PIP5K1B: variants seen among roughly 807,000 people sequenced by gnomAD.
The protein encoded by PIP5K1B is phosphatidylinositol-4-phosphate 5-kinase type 1 beta, also known as phosphatidylinositol 4-phosphate 5-kinase type-1 beta.
Under a neutral mutation model 67.0 loss-of-function variants are expected in PIP5K1B, and 42 were observed. That is an observed-to-expected ratio of 0.63 (90% confidence interval 0.49 to 0.81). PIP5K1B has a LOEUF of 0.81. PIP5K1B is among the 30% of genes least tolerant of loss of function. The pLI is 0.00. For missense variants in PIP5K1B, 459 were observed against 646.3 expected (o/e 0.71, Z 3.14); for synonymous variants, 214 against 231.4 (o/e 0.92, Z 0.68).
chr9:68,913,662 A>C (rs989609321), intron 8 of PIP5K1B, among the ~76,000 whole-genome samples: 1 of 152,094 alleles, frequency 6.6e-6, no homozygotes, highest in African/African-American at 2.4e-5. Flanking sequence ...CCCAAACTCT[A>C]ACTGCAATGG....
At chr9:68,943,737 A>G (rs1827671591) in intron 14 of PIP5K1B, among the ~76,000 whole-genome samples, 1 of 152,194 alleles carries the variant, frequency 6.6e-6, no homozygotes, top group African/African-American at 2.4e-5. Context: ...CTCTTTATGA[A>G]TCATTTTTCT....
intron 6 of PIP5K1B, among the ~76,000 whole-genome samples, chr9:68,885,475 T>A (rs755675429): frequency 5.0e-4 from 76 of 152,346 alleles, no homozygotes; most frequent in Non-Finnish European, 8.1e-4. Context: ...CACAAGGAAG[T>A]GTGTATGGTG....
At chr9:68,898,981 G>A (rs1483260906) in intron 8 of PIP5K1B, among the ~76,000 whole-genome samples, 1 of 152,188 alleles carries the variant, frequency 6.6e-6, no homozygotes, top group Admixed American at 6.5e-5. Context: ...TTGGGCGAAA[G>A]CCAGTGATTC....
At chr9:69,004,681 T>C (rs1181293779) in intron 15 of PIP5K1B, among the ~76,000 whole-genome samples, 1 of 152,200 alleles carries the variant, frequency 6.6e-6, no homozygotes, top group Non-Finnish European at 1.5e-5. Context: ...CTTCTGCGTG[T>C]ACCACACTTT....
At chr9:68,907,022 G>A (rs1053944791) in intron 8 of PIP5K1B, among the ~76,000 whole-genome samples, 6 of 152,204 alleles carry the variant, frequency 3.9e-5, no homozygotes, top group Admixed American at 1.3e-4. Context: ...TGTCCACTCA[G>A]ATGTGCGGGG....
chr9:68,990,750 A>G (rs13288473), intron 14 of PIP5K1B, among the ~76,000 whole-genome samples: 70,131 of 151,072 alleles, frequency 0.46, 16,921 homozygotes, highest in African/African-American at 0.55. Flanking sequence ...TGCAACCTCC[A>G]CCTCCTGAGT....
chr9:68,723,389 AT>A (rs34743138), intron 1 of PIP5K1B, among the ~76,000 whole-genome samples: 2 of 149,874 alleles, frequency 1.3e-5, no homozygotes, highest in African/African-American at 2.5e-5. Context: ...TGGTAGTCCT[AT>A]TTTTTTTTTC....
chr9:68,782,547 T>C (rs947023064), intron 2 of PIP5K1B: 1 of 167,094 alleles, frequency 6.0e-6, no homozygotes, highest in Non-Finnish European at 1.5e-5. Flanking sequence ...CTGTTTAAAG[T>C]TATCGCTTAC....
intron 11 of PIP5K1B, among the ~76,000 whole-genome samples, chr9:68,920,265 A>G (rs1456450971): frequency 6.6e-6 from 1 of 152,040 alleles, no homozygotes; most frequent in Non-Finnish European, 1.5e-5. Flanking sequence ...AGTGTTCAAC[A>G]CAATGCCTAA....
chr9:68,859,082 G>A (rs530024729), intron 4 of PIP5K1B, among the ~76,000 whole-genome samples: 8 of 152,306 alleles, frequency 5.3e-5, no homozygotes, highest in African/African-American at 9.6e-5. Flanking sequence ...GAAGACCAGC[G>A]TATGCACACA....
intron 1 of PIP5K1B, among the ~76,000 whole-genome samples, chr9:68,740,178 G>A (rs1024128553): frequency 6.6e-6 from 1 of 152,166 alleles, no homozygotes; most frequent in African/African-American, 2.4e-5. Context: ...TGCATCCAGT[G>A]TCTGAATTTT....
At chr9:68,775,018 A>G (rs1459878793) in intron 2 of PIP5K1B, among the ~76,000 whole-genome samples, 2 of 152,202 alleles carry the variant, frequency 1.3e-5, no homozygotes, top group Non-Finnish European at 2.9e-5. Context: ...CCTATTACCA[A>G]GTCGGTGTAA....
chr9:68,869,657 C>T (rs1030277392), intron 5 of PIP5K1B, among the ~76,000 whole-genome samples: 12 of 152,034 alleles, frequency 7.9e-5, no homozygotes, highest in Non-Finnish European at 1.2e-4. Flanking sequence ...CCACAGAGCT[C>T]GAAATATTAT....
intron 4 of PIP5K1B, among the ~76,000 whole-genome samples, chr9:68,860,977 A>C (rs1823032376): frequency 6.6e-6 from 1 of 152,192 alleles, no homozygotes; most frequent in Non-Finnish European, 1.5e-5. Flanking sequence ...TATAACCAGA[A>C]AGCACTTAGA....
chr9:68,850,410 T>C (rs563345715), intron 4 of PIP5K1B, among the ~76,000 whole-genome samples: 16 of 152,242 alleles, frequency 1.1e-4, no homozygotes, highest in Non-Finnish European at 2.4e-4. Flanking sequence ...GGGGCTGTTC[T>C]GTGCATTGTA....
chr9:68,991,458 T>G (rs1385736264), intron 15 of PIP5K1B, among the ~76,000 whole-genome samples: 4 of 152,318 alleles, frequency 2.6e-5, no homozygotes, highest in Non-Finnish European at 4.4e-5. Flanking sequence ...AACATCTAGG[T>G]CAATACGAAA....
intron 2 of PIP5K1B, among the ~76,000 whole-genome samples, chr9:68,797,842 T>TGTTTC (rs1337785410): frequency 6.6e-6 from 1 of 152,234 alleles, no homozygotes; most frequent in Non-Finnish European, 1.5e-5. Flanking sequence ...TGTTTTGTTT[T>TGTTTC]GTTTTAGCAT....
At chr9:68,780,116 G>A (rs1315645210) in intron 2 of PIP5K1B, 7 of 1,482,686 alleles carry the variant, frequency 4.7e-6, no homozygotes, top group Non-Finnish European at 6.2e-6. Context: ...CGGGGAATGG[G>A]AATCCTAGGT....
rs781620749 is a variant in PIP5K1B at position 69,008,726 on chromosome 9, T to A, written c.*277T>A. 1.2e-5 allele frequency: 5 copies of A among 400,660 alleles called. No individual in the cohort carries two copies. Among genetic ancestry groups the A allele is most frequent in the East Asian group, 3.8e-5 (1 of 26,080 alleles). 24.8% of individuals were successfully genotyped at this position (400,660 alleles called of 1,614,324 possible). On this transcript the variant is annotated 3_prime_UTR_variant, in exon 16 of 16. Coordinates refer to ENST00000265382, the MANE Select transcript of PIP5K1B (RefSeq NM_003558.4). The stretch of plus-strand genomic sequence containing the variant: ...AAGCTGCTTTCTGTACCATTGCCAA[T>A]CACCTTTTTGGAGTTGGAAGTGCTA...
Sources: allele counts gnomAD v4.1 joint callset (sites outside exome capture counted in the v4.1 genomes callset), GRCh38; gene constraint gnomAD v4.1.1; transcripts MANE v1.5; gene names NCBI Gene and HGNC (gene_info 2026-07-23, HGNC 2026-07-21).